CLIC6: variants seen among roughly 807,000 people sequenced by gnomAD.
CLIC6 encodes CLIC family member 6.
In CLIC6, 39 loss-of-function variants were observed where a neutral mutation model predicts 49.2. The observed-to-expected ratio is 0.79, with a 90% CI of 0.61 to 1.04. The LOEUF (loss-of-function observed/expected upper bound fraction) is 1.04. Ranked by LOEUF, CLIC6 falls within the 50% of genes least tolerant of loss-of-function variation. CLIC6 has a pLI of 0.00. For missense variants in CLIC6, 988 were observed against 993.1 expected (o/e 0.99, Z 0.07); for synonymous variants, 446 against 433.4 (o/e 1.03, Z -0.36).
In CLIC6 at chr21:34,714,428, C is replaced by T. The variant is rs1186533855; in HGVS notation, c.1900-1893C>T. 2.6e-5 allele frequency among the ~76,000 whole-genome samples: 4 copies of T among 152,194 alleles called. No individual in the cohort carries two copies. In the East Asian group the frequency reaches 7.7e-4, roughly 29 times the overall value. On this transcript the variant is annotated intron_variant, in intron 5 of 5. Transcript: ENST00000349499. The stretch of plus-strand genomic sequence containing the variant: ...CAAGGCCGGGTGCAGTGGCTCACAC[C>T]TGTAATTCCAGAACTTTGGGTGGCT...
In CLIC6 at chr21:34,669,794, G is replaced by A; in HGVS notation, c.406G>A (p.Glu136Lys). 7.0e-7 allele frequency: 1 copy of A among 1,423,540 alleles called. No individual in the cohort carries two copies. The highest frequency in any genetic ancestry group is 9.1e-7 in the Non-Finnish European group (1 of 1,099,444). 88.2% of individuals were successfully genotyped at this position (1,423,540 alleles called of 1,614,324 possible). A position where few individuals can be genotyped will look rare whatever the true frequency, so the allele number is the denominator to read the frequency against. ...GGAGCCCGAGGACTCTGCGGCCCCC[G>A]AGAGGCAGGAGGAGGCGGAGCAGAG... ...QREPEDSAAP[E>K]RQEEAEQRPE... is the part of the protein sequence containing the mutation. Residue 136 changes from glutamate (E) to lysine (K), a missense_variant, in exon 1 of 6, where the codon GAG (glutamate) becomes AAG (lysine). Around this residue, in one of 3 missense-constraint regions of CLIC6, gnomAD observed 284 missense variants for 278.6 expected, o/e 1.02. Coordinates refer to ENST00000349499, the MANE Select transcript of CLIC6 (RefSeq NM_053277.3).
At chr21:34,709,331 T>G (rs1267642994) in intron 4 of CLIC6, 26 bp from the exon 5 acceptor site, 1 of 1,598,960 alleles carries the variant, frequency 6.3e-7, no homozygotes, top group East Asian at 2.2e-5. Flanking sequence ...AACCTCTCTT[T>G]GTGATTTCTT....
At chr21:34,676,862 A>T (rs1480063680) in intron 1 of CLIC6, among the ~76,000 whole-genome samples, 1 of 152,078 alleles carries the variant, frequency 6.6e-6, no homozygotes, top group Non-Finnish European at 1.5e-5. Context: ...GTAAAGAAAA[A>T]GTTTTTGTGA....
At chr21:34,674,781 A>G (rs1239665692) in intron 1 of CLIC6, among the ~76,000 whole-genome samples, 1 of 152,246 alleles carries the variant, frequency 6.6e-6, no homozygotes, top group Non-Finnish European at 1.5e-5. Context: ...TCCTCATAAT[A>G]ACAAAGGGTA....
chr21:34,696,195 C>T (rs1014892373), intron 1 of CLIC6, among the ~76,000 whole-genome samples: 2 of 152,190 alleles, frequency 1.3e-5, no homozygotes, highest in Non-Finnish European at 2.9e-5. Context: ...CCATCCCTGG[C>T]CTACCTGGCC....
At chr21:34,679,205 C>T (rs531483252) in intron 1 of CLIC6, among the ~76,000 whole-genome samples, 132 of 152,234 alleles carry the variant, frequency 8.7e-4, no homozygotes, top group African/African-American at 2.9e-3. Context: ...CTCACAATCA[C>T]GGCAGAAGGG....
At chr21:34,695,717 C>A (rs114932719) in intron 1 of CLIC6, among the ~76,000 whole-genome samples, 3 of 152,300 alleles carry the variant, frequency 2.0e-5, no homozygotes, top group Non-Finnish European at 2.9e-5. Flanking sequence ...GAGGAAGTGG[C>A]CTTACTTGGT....
intron 4 of CLIC6, 59 bp downstream of exon 4, chr21:34,708,865 G>A: frequency 1.7e-6 from 2 of 1,197,014 alleles, no homozygotes; most frequent in Non-Finnish European, 1.2e-6. Context: ...TAGCATGGCG[G>A]CCCATACGCT....
intron 5 of CLIC6, among the ~76,000 whole-genome samples, chr21:34,714,727 A>C (rs1045062079): frequency 1.3e-5 from 2 of 152,062 alleles, no homozygotes; most frequent in Non-Finnish European, 2.9e-5. Context: ...AAATCAAGAA[A>C]TAGAGAATTC....
At chr21:34,682,558 C>A (rs1989796976) in intron 1 of CLIC6, among the ~76,000 whole-genome samples, 2 of 151,958 alleles carry the variant, frequency 1.3e-5, no homozygotes, top group African/African-American at 4.8e-5. Flanking sequence ...AGACTTTTGT[C>A]TGTCACATGT....
Position 34,707,818 on chromosome 21 carries a change from A to G in CLIC6, c.1485-126A>G, listed in dbSNP as rs574679886. 464 of 953,580 alleles carry G rather than the reference A, an allele frequency of 4.9e-4. 2 individuals carry two copies. In the South Asian group the frequency reaches 7.6e-3, roughly 16 times the overall value. 59.1% of individuals were successfully genotyped at this position (953,580 alleles called of 1,614,324 possible). ...CATCGCCAGCAAGACATTTTCATAA[A>G]CCCACCATCTACTTTGCAGTTCTCA... is the stretch of plus-strand genomic sequence containing the variant. On this transcript the variant is annotated intron_variant, in intron 2 of 5. Transcript: ENST00000349499.
intron 1 of CLIC6, among the ~76,000 whole-genome samples, chr21:34,685,246 T>G (rs113346854): frequency 6.6e-6 from 1 of 152,148 alleles, no homozygotes; most frequent in African/African-American, 2.4e-5. Flanking sequence ...ATGGGGATGA[T>G]GAATCAAAGC....
At chr21:34,679,865 T>C (rs1454456452) in intron 1 of CLIC6, among the ~76,000 whole-genome samples, 1 of 152,232 alleles carries the variant, frequency 6.6e-6, no homozygotes, top group African/African-American at 2.4e-5. Flanking sequence ...CCTGTGGCTT[T>C]GCAGGGTACA....
intron 1 of CLIC6, among the ~76,000 whole-genome samples, chr21:34,679,100 C>A (rs1192439052): frequency 1.3e-5 from 2 of 152,170 alleles, no homozygotes; most frequent in East Asian, 1.9e-4. Context: ...TCTGTTCTCA[C>A]GCTGTTGTGA....
chr21:34,669,828 T>C lies in CLIC6; in HGVS notation c.440T>C (p.Val147Ala), dbSNP rs780730620. 1 of 1,400,898 alleles carries C rather than the reference T, an allele frequency of 7.1e-7. No homozygotes were observed. Among genetic ancestry groups the C allele is most frequent in the African/African-American group, 1.6e-5 (1 of 64,156 alleles). 86.8% of individuals were successfully genotyped at this position (1,400,898 alleles called of 1,614,324 possible). The change falls in exon 1 of 6, where the codon GTC (valine) becomes GCC (alanine). Residue 147 changes from valine (V) to alanine (A), a missense_variant. This residue lies in a region of CLIC6 where 284 missense variants were observed against 278.6 expected (regional missense o/e 1.02). Transcript: ENST00000349499. ...GAGGAGGCGGAGCAGAGGCCTGAGG[T>C]CCCGGAAGGTAGCGCGTCCGGGGAG... Reference protein sequence around the residue: ...RQEEAEQRPEVPEGSASGEAG... With the variant: ...RQEEAEQRPEAPEGSASGEAG...
intron 1 of CLIC6, among the ~76,000 whole-genome samples, chr21:34,702,438 A>T (rs569105200): frequency 6.6e-6 from 1 of 152,202 alleles, no homozygotes; most frequent in South Asian, 2.1e-4. Context: ...GCCATTCCAT[A>T]TGCCAGATGC....
intron 1 of CLIC6, among the ~76,000 whole-genome samples, chr21:34,694,054 G>C (rs997635915): frequency 8.1e-5 from 12 of 147,406 alleles, no homozygotes; most frequent in African/African-American, 3.0e-4. Context: ...CTCACTGCAA[G>C]CTCCGCCTCC....
chr21:34,711,667 C>A (rs1048909303), intron 5 of CLIC6, among the ~76,000 whole-genome samples: 1 of 152,308 alleles, frequency 6.6e-6, no homozygotes, highest in East Asian at 1.9e-4. Flanking sequence ...CTTTGTCTTC[C>A]TGCATTTCTT....
At position 34,670,261 on chromosome 21, in the gene CLIC6, G is replaced by A; in HGVS notation, c.873G>A (p.Arg291=). Residue 291 remains arginine (R), a synonymous_variant, in exon 1 of 6, where the codon CGG becomes CGA. Coordinates refer to ENST00000349499, the MANE Select transcript of CLIC6 (RefSeq NM_053277.3). ...DAEGPAGRAR[R]VSGEPQQSGD... ...AGGGTCCGGCAGGAAGGGCGCGCCG[G>A]GTCTCGGGTGAGCCGCAGCAATCGG... is the stretch of plus-strand genomic sequence containing the variant. 1 of 1,437,788 alleles carries A rather than the reference G, an allele frequency of 7.0e-7. No individual in the cohort carries two copies. The highest frequency in any genetic ancestry group is 9.1e-7 in the Non-Finnish European group (1 of 1,102,896). The allele number at this position is 1,437,788 out of a possible 1,614,324, so 89.1% of individuals were successfully genotyped here. A position where few individuals can be genotyped will look rare whatever the true frequency, so the allele number is the denominator to read the frequency against.
Sources: allele counts gnomAD v4.1 joint callset (sites outside exome capture counted in the v4.1 genomes callset), GRCh38; gene constraint gnomAD v4.1.1; regional missense constraint gnomAD v4.1.1; transcripts MANE v1.5; gene names NCBI Gene and HGNC (gene_info 2026-07-23, HGNC 2026-07-21).